The following AKAP6 variants were observed in gnomAD, a reference collection of about 807,000 sequenced individuals.
AKAP6 encodes A-kinase anchoring protein 6, also known as A-kinase anchor protein 6.
A neutral mutation model predicts 188.5 loss-of-function variants in AKAP6; 58 were observed. The observed-to-expected ratio is 0.31, with a 90% CI of 0.25 to 0.38. AKAP6 has a LOEUF of 0.38. AKAP6 is among the 10% of genes least tolerant of loss of function. AKAP6 has a pLI of 1.00. For missense variants in AKAP6, 2,710 were observed against 2,740.0 expected, an observed-to-expected ratio of 0.99 and a Z score of 0.24; for synonymous variants, 989 against 998.6, an observed-to-expected ratio of 0.99 and a Z score of 0.18.
intron 12 of AKAP6, among the ~76,000 whole-genome samples, chr14:32,800,175 CATAT>C (rs71115098): frequency 0.4 from 56,581 of 142,346 alleles, 11,245 homozygotes; most frequent in Non-Finnish European, 0.41. Flanking sequence ...CATATATATA[CATAT>C]ATATATACAC....
At chr14:32,762,486 T>C (rs1458190835) in intron 11 of AKAP6, among the ~76,000 whole-genome samples, 1 of 152,098 alleles carries the variant, frequency 6.6e-6, no homozygotes, top group East Asian at 1.9e-4. Context: ...AGTATGTAAC[T>C]TAGTTTAGGG....
chr14:32,811,770 C>G (rs2034242544), intron 12 of AKAP6, among the ~76,000 whole-genome samples: 1 of 152,160 alleles, frequency 6.6e-6, no homozygotes, highest in African/African-American at 2.4e-5. Context: ...ACTCTATTAT[C>G]TGATATAAGG....
chr14:32,746,491 C>A (rs748572750), intron 11 of AKAP6, among the ~76,000 whole-genome samples: 1 of 152,198 alleles, frequency 6.6e-6, no homozygotes, highest in Non-Finnish European at 1.5e-5. Flanking sequence ...GGAACGGGGG[C>A]CTTAAAATTT....
chr14:32,350,019 A>G (rs1032742852), intron 1 of AKAP6, among the ~76,000 whole-genome samples: 10 of 152,228 alleles, frequency 6.6e-5, no homozygotes, highest in Non-Finnish European at 1.3e-4. Context: ...TAAATGAATA[A>G]TTGAATAAAT....
intron 1 of AKAP6, among the ~76,000 whole-genome samples, chr14:32,378,583 A>T (rs1208940357): frequency 6.6e-6 from 1 of 152,222 alleles, no homozygotes; most frequent in African/African-American, 2.4e-5. Context: ...GCCTAATCAT[A>T]ACAGGAAATA....
intron 2 of AKAP6, among the ~76,000 whole-genome samples, chr14:32,501,333 A>G (rs1347169141): frequency 6.6e-6 from 1 of 152,150 alleles, no homozygotes; most frequent in Non-Finnish European, 1.5e-5. Context: ...GTGCTACCAC[A>G]TTGGACAGTA....
intron 2 of AKAP6, among the ~76,000 whole-genome samples, chr14:32,447,516 G>C (rs564488159): frequency 4.6e-5 from 7 of 152,160 alleles, no homozygotes; most frequent in Admixed American, 2.0e-4. Context: ...CAAAAAAGCA[G>C]AATTTTCCTG....
At chr14:32,704,986 A>G (rs1344847259) in intron 9 of AKAP6, among the ~76,000 whole-genome samples, 2 of 152,216 alleles carry the variant, frequency 1.3e-5, no homozygotes, top group East Asian at 3.9e-4. Flanking sequence ...TTTCAAAAGA[A>G]GTCCTGGTAC....
At chr14:32,407,423 A>G (rs1383359583) in intron 1 of AKAP6, among the ~76,000 whole-genome samples, 1 of 152,164 alleles carries the variant, frequency 6.6e-6, no homozygotes, top group African/African-American at 2.4e-5. Context: ...AGATCCCCAC[A>G]CAGGCTCAGA....
At chr14:32,416,148 T>C (rs1232354983) in intron 1 of AKAP6, among the ~76,000 whole-genome samples, 24 of 152,328 alleles carry the variant, frequency 1.6e-4, no homozygotes, top group Admixed American at 1.5e-3. Flanking sequence ...CTGTACCATT[T>C]TACATTCCCA....
At chr14:32,523,791 TAAAAAAAAAAAA>T (rs55994452) in intron 2 of AKAP6, among the ~76,000 whole-genome samples, 1 of 107,124 alleles carries the variant, frequency 9.3e-6, no homozygotes, top group African/African-American at 3.5e-5. Flanking sequence ...TCCTCCTGAT[TAAAAAAAAAAAA>T]AAAAAAAAAG....
intron 2 of AKAP6, among the ~76,000 whole-genome samples, chr14:32,442,834 C>G (rs1193065642): frequency 6.6e-6 from 1 of 151,938 alleles, no homozygotes; most frequent in Non-Finnish European, 1.5e-5. Context: ...TCATAGCTAC[C>G]TTGAATAAGG....
chr14:32,591,932 G>A (rs1885505002), intron 5 of AKAP6, among the ~76,000 whole-genome samples: 1 of 152,080 alleles, frequency 6.6e-6, no homozygotes, highest in Admixed American at 6.5e-5. Flanking sequence ...TGATGATTTG[G>A]GCTATCTCAG....
chr14:32,561,300 T>C (rs1430915670), intron 4 of AKAP6, among the ~76,000 whole-genome samples: 2 of 152,092 alleles, frequency 1.3e-5, no homozygotes, highest in Non-Finnish European at 2.9e-5. Context: ...ACCATATATA[T>C]TAGAAATAAC....
intron 7 of AKAP6, among the ~76,000 whole-genome samples, chr14:32,651,763 G>A (rs1888237750): frequency 6.6e-6 from 1 of 152,156 alleles, no homozygotes; most frequent in South Asian, 2.1e-4. Flanking sequence ...GTAAGTTTCA[G>A]CATAAATTTT....
At position 32,349,760 on chromosome 14, in the gene AKAP6, CA is replaced by C. The variant is rs778246162; in HGVS notation, c.-35+20353del. On this transcript the variant is annotated intron_variant, in intron 1 of 13. Transcript: ENST00000280979. Reference sequence around the variant, plus strand: ...ATGCCCAGACCTTGGTGCTATACACCATTCATCAATAAAAGGAATCAGGGCT... The same window carrying C: ...ATGCCCAGACCTTGGTGCTATACACCTTCATCAATAAAAGGAATCAGGGCT... Among the ~76,000 whole-genome samples the C allele has an allele frequency of 2.6e-5, 4 of 152,260 alleles. No homozygotes were observed. The East Asian group carries it at 5.8e-4, about 22-fold the overall frequency.
intron 2 of AKAP6, among the ~76,000 whole-genome samples, chr14:32,434,564 G>A (rs554894131): frequency 6.6e-6 from 1 of 152,340 alleles, no homozygotes; most frequent in South Asian, 2.1e-4. Flanking sequence ...TGCAGAGCAA[G>A]ACAGGTTTAT....
chr14:32,419,861 C>T (rs570877402), intron 1 of AKAP6, among the ~76,000 whole-genome samples: 3 of 151,944 alleles, frequency 2.0e-5, no homozygotes, highest in African/African-American at 7.2e-5. Flanking sequence ...GTACCCCACC[C>T]AGTCTTATGA....
At chr14:32,463,915 AC>A (rs1248890387) in intron 2 of AKAP6, among the ~76,000 whole-genome samples, 4 of 152,218 alleles carry the variant, frequency 2.6e-5, no homozygotes, top group Admixed American at 2.6e-4. Flanking sequence ...AGGGGATATA[AC>A]CACTGATCCC....
Sources: gnomAD v4.1 joint callset for allele counts (sites outside exome capture counted in the v4.1 genomes callset) on GRCh38, gnomAD v4.1.1 for gene constraint, MANE v1.5 for transcripts, NCBI Gene and HGNC (gene_info 2026-07-23, HGNC 2026-07-21) for gene names.